The following IVNS1ABP variants were observed in gnomAD, a reference collection of about 807,000 sequenced individuals.
The protein encoded by IVNS1ABP is influenza virus NS1A-binding protein.
Under a neutral mutation model 78.9 loss-of-function variants are expected in IVNS1ABP, and 25 were observed. The ratio of observed to expected loss-of-function variants is 0.32; its 90% confidence interval spans 0.23 to 0.44. IVNS1ABP has a LOEUF of 0.44. Ranked by LOEUF, IVNS1ABP falls within the 20% of genes least tolerant of loss-of-function variation. The pLI is 1.00. For synonymous variants in IVNS1ABP, 241 were observed against 259.7 expected, an observed-to-expected ratio of 0.93 and a Z score of 0.69; for missense variants, 494 against 768.9, an observed-to-expected ratio of 0.64 and a Z score of 4.23.
In IVNS1ABP at chr1:185,300,423, C is replaced by A; in HGVS notation, c.1242+14G>T. Reference sequence around the variant, plus strand: ...AGCTAAATAGGGGTTGCTCCTGCAACATAATGCGCTTACCATGAGTACAGC... The same window carrying A: ...AGCTAAATAGGGGTTGCTCCTGCAAAATAATGCGCTTACCATGAGTACAGC... On this transcript the variant is annotated intron_variant, in intron 11 of 14. Coordinates refer to ENST00000367498, the MANE Select transcript of IVNS1ABP (RefSeq NM_006469.5). The A allele has an allele frequency of 6.2e-7, 1 of 1,613,490 alleles. No homozygotes were observed. The highest frequency in any genetic ancestry group is 8.5e-7 in the Non-Finnish European group (1 of 1,179,670).
chr1:185,311,430 C>G (rs74765218), intron 1 of IVNS1ABP, 108 bp from the exon 2 acceptor site: 4,086 of 350,644 alleles, frequency 0.012, 116 homozygotes, highest in East Asian at 0.089. Context: ...AGAGATTTGA[C>G]ATAAATGGCA....
rs369886205 is a variant in IVNS1ABP at position 185,315,378 on chromosome 1, C to T, written c.-247+1575G>A. Among the ~76,000 whole-genome samples the T allele has an allele frequency of 5.9e-5, 9 of 152,202 alleles. No homozygotes were observed. The East Asian group carries it at 1.2e-3, about 20-fold the overall frequency. On this transcript the variant is annotated intron_variant, in intron 1 of 14. Transcript: ENST00000367498. ...AAGACTAAAACCTGAAATGTTTTGTCTTGGGGGGAAAGTTAGAAAATCAAC... is the reference window on the plus strand; with the variant it reads ...AAGACTAAAACCTGAAATGTTTTGTTTTGGGGGGAAAGTTAGAAAATCAAC...
intron 1 of IVNS1ABP, among the ~76,000 whole-genome samples, chr1:185,314,359 G>C (rs140077384): frequency 1.3e-5 from 2 of 152,082 alleles, no homozygotes; most frequent in Non-Finnish European, 2.9e-5. Context: ...TAACACAATA[G>C]AAGTTAACTC....
chr1:185,304,642 C>T (rs2102817010), intron 8 of IVNS1ABP, among the ~76,000 whole-genome samples: 1 of 152,024 alleles, frequency 6.6e-6, no homozygotes, highest in Admixed American at 6.6e-5. Flanking sequence ...ACTATATGAC[C>T]ATTTATATAA....
chr1:185,299,373 C>A, intron 14 of IVNS1ABP: 1 of 300,678 alleles, frequency 3.3e-6, no homozygotes, highest in Non-Finnish European at 6.4e-6. Context: ...CTTTGTTTTG[C>A]AGATCAGATT....
chr1:185,306,713 AT>A, intron 7 of IVNS1ABP: 1 of 1,047,892 alleles, frequency 9.5e-7, no homozygotes, highest in Non-Finnish European at 1.2e-6. Context: ...GTGAAGAAAA[AT>A]TAAGAATCTA....
chr1:185,308,872 C>T lies in IVNS1ABP; in HGVS notation c.285G>A (p.Leu95=). 1.2e-6 allele frequency: 2 copies of T among 1,605,730 alleles called. No individual in the cohort carries two copies. The highest frequency in any genetic ancestry group is 1.7e-6 in the Non-Finnish European group (2 of 1,177,598). ...VLLNYAYTAQ[L]KADKELVKDV... ...CTTTTACCAATTCCTTATCTGCTTT[C>T]AACCTATTTAAAAAAAAAGTTACTT... The change falls in exon 5 of 15, where the codon TTG becomes TTA. Residue 95 remains leucine, a synonymous_variant. Coordinates refer to ENST00000367498, the MANE Select transcript of IVNS1ABP (RefSeq NM_006469.5).
chr1:185,297,205 TATA>T lies in IVNS1ABP; in HGVS notation c.*827_*829del, dbSNP rs1324504174. The T allele has an allele frequency of 6.6e-6, 1 of 152,180 alleles. No individual in the cohort carries two copies. The highest frequency in any genetic ancestry group is 1.5e-5 in the Non-Finnish European group (1 of 68,028). 9.4% of individuals were successfully genotyped at this position (152,180 alleles called of 1,614,324 possible). ...GATAAAACACCATTTTTTACTGCTA[TATA>T]ATGTCTTGCTATATAAAACATACCC... On this transcript the variant is annotated 3_prime_UTR_variant, in exon 15 of 15. Coordinates refer to ENST00000367498, the MANE Select transcript of IVNS1ABP (RefSeq NM_006469.5).
chr1:185,308,964 A>C (rs1473483765), intron 4 of IVNS1ABP, 39 bp downstream of exon 4: 1 of 1,584,142 alleles, frequency 6.3e-7, no homozygotes, highest in Admixed American at 1.8e-5. Flanking sequence ...TTTTCTGAAG[A>C]TATTCCCTAA....
At chr1:185,310,237 T>C (rs1421905435) in intron 2 of IVNS1ABP, among the ~76,000 whole-genome samples, 1 of 152,198 alleles carries the variant, frequency 6.6e-6, no homozygotes, top group African/African-American at 2.4e-5. Context: ...TAAATATAAA[T>C]GGGAACTTAC....
Position 185,301,066 on chromosome 1 carries a change from T to C in IVNS1ABP, c.1026A>G (p.Gln342=), listed in dbSNP as rs1189198434. The C allele has an allele frequency of 1.9e-6, 3 of 1,613,456 alleles. No individual in the cohort carries two copies. The Admixed American group carries it at 5.0e-5, about 27-fold the overall frequency. Residue 342 remains glutamine, a synonymous_variant, in exon 10 of 15, where the codon CAA becomes CAG. Coordinates refer to ENST00000367498, the MANE Select transcript of IVNS1ABP (RefSeq NM_006469.5). ...KLSKSLSFEM[Q]QDELIEKPMS... ...TGGGCTTTTCGATTAGCTCATCTTG[T>C]TGCATCTCAAAGCTTAAACTCTTAC...
chr1:185,307,031 C>T lies in IVNS1ABP; in HGVS notation c.640G>A (p.Glu214Lys). The T allele has an allele frequency of 6.2e-7, 1 of 1,613,468 alleles. No homozygotes were observed. The highest frequency in any genetic ancestry group is 8.5e-7 in the Non-Finnish European group (1 of 1,179,492). The change falls in exon 7 of 15, where the codon GAA (glutamate) becomes AAA (lysine). Residue 214 changes from glutamate to lysine, a missense_variant. Transcript: ENST00000367498. ...AAACTAACCTCTTCCATCAGCTCTT[C>T]CAGACTGTCTCCATTCTCCCAGATG... ...RSIWENGDSL[E>K]ELMEEVQTLY... is the part of the protein sequence containing the mutation.
At position 185,316,942 on chromosome 1, in the gene IVNS1ABP, G is replaced by A. The variant is rs1021564560; in HGVS notation, c.-247+11C>T. On this transcript the variant is annotated intron_variant, in intron 1 of 14. Coordinates refer to ENST00000367498, the MANE Select transcript of IVNS1ABP (RefSeq NM_006469.5). Reference sequence around the variant, plus strand: ...CCCTCATCTGTCGTTCGTAGAACCAGCGCGTATTACCTGGTTCATCTCTGA... The same window carrying A: ...CCCTCATCTGTCGTTCGTAGAACCAACGCGTATTACCTGGTTCATCTCTGA... 1 of 398,492 alleles carries A rather than the reference G, an allele frequency of 2.5e-6. No homozygotes were observed. Among genetic ancestry groups the A allele is most frequent in the Non-Finnish European group, 4.4e-6 (1 of 226,034 alleles). 24.7% of individuals were successfully genotyped at this position (398,492 alleles called of 1,614,324 possible).
chr1:185,314,215 T>G (rs1344450591), intron 1 of IVNS1ABP, among the ~76,000 whole-genome samples: 1 of 152,178 alleles, frequency 6.6e-6, no homozygotes, highest in African/African-American at 2.4e-5. Context: ...ACCATCACCA[T>G]CCATGTATAT....
intron 8 of IVNS1ABP, among the ~76,000 whole-genome samples, chr1:185,303,246 C>T (rs1665647293): frequency 6.6e-6 from 1 of 152,072 alleles, no homozygotes; most frequent in Non-Finnish European, 1.5e-5. Flanking sequence ...TGCCTAATAA[C>T]AAGCCTAATA....
intron 8 of IVNS1ABP, among the ~76,000 whole-genome samples, chr1:185,302,687 AT>A (rs1558116202): frequency 1.3e-5 from 2 of 152,172 alleles, no homozygotes; most frequent in Non-Finnish European, 2.9e-5. Context: ...CAGGGAATGT[AT>A]CATTATCAAT....
rs760829004 is a variant in IVNS1ABP at position 185,307,503 on chromosome 1, G to A, written c.517C>T (p.Leu173Phe). The change falls in exon 6 of 15, where the codon CTT becomes TTT. Residue 173 changes from leucine (L) to phenylalanine (F), a missense_variant. By Grantham distance (22) the Leu-to-Phe change is conservative. Transcript: ENST00000367498. ...QISEEEEFLK[L>F]PRLKLEVMLE... ...TTACTCCTTACCTTTAGCCTTGGAA[G>A]CTTAAGAAACTCCTCCTCTTCAGAA... 1 of 1,612,266 alleles carries A rather than the reference G, an allele frequency of 6.2e-7. No homozygotes were observed. Among genetic ancestry groups the A allele is most frequent in the South Asian group, 1.1e-5 (1 of 91,012 alleles).
chr1:185,307,283 G>A (rs990539179), intron 6 of IVNS1ABP, 144 bp from the exon 7 acceptor site: 2 of 1,151,830 alleles, frequency 1.7e-6, no homozygotes, highest in African/African-American at 1.6e-5. Context: ...GAATTTGTAA[G>A]GAACCAGGAA....
chr1:185,307,118 T>G lies in IVNS1ABP; in HGVS notation c.553A>C (p.Asn185His), dbSNP rs767693160. 13 of 1,613,360 alleles carry G rather than the reference T, an allele frequency of 8.1e-6. No individual in the cohort carries two copies. The highest frequency in any genetic ancestry group is 1.1e-5 in the Non-Finnish European group (13 of 1,179,546). Residue 185 changes from asparagine (N) to histidine (H), a missense_variant, in exon 7 of 15, where the codon AAT becomes CAT. Asn to His is a moderately conservative substitution (Grantham distance 68, BLOSUM62 1). Transcript: ENST00000367498. ...RLKLEVMLEDNVCLPSNGKLY... is the reference protein window; with the variant it reads ...RLKLEVMLEDHVCLPSNGKLY... The stretch of plus-strand genomic sequence containing the variant: ...TTGCCATTGCTGGGCAAGCAAACAT[T>G]ATCTTCAAGCATTACCTCCAACTAG...
Sources: gnomAD v4.1 joint callset for allele counts (sites outside exome capture counted in the v4.1 genomes callset) on GRCh38, gnomAD v4.1.1 for gene constraint, MANE v1.5 for transcripts, NCBI Gene and HGNC (gene_info 2026-07-23, HGNC 2026-07-21) for gene names.